The following ZNF385B variants were observed in gnomAD, a reference collection of about 807,000 sequenced individuals.
ZNF385B encodes the protein zinc finger protein 533.
A neutral mutation model predicts 39.2 loss-of-function variants in ZNF385B; 23 were observed. The ratio of observed to expected loss-of-function variants is 0.59; its 90% confidence interval spans 0.42 to 0.83. The LOEUF (loss-of-function observed/expected upper bound fraction) is 0.83. ZNF385B is among the 40% of genes least tolerant of loss of function. ZNF385B has a pLI of 0.00. For synonymous variants in ZNF385B, 205 were observed against 222.6 expected (o/e 0.92, Z 0.70); for missense variants, 552 against 598.9 (o/e 0.92, Z 0.82).
chr2:179,515,983 C>T (rs1303298586), intron 5 of ZNF385B, among the ~76,000 whole-genome samples: 2 of 152,152 alleles, frequency 1.3e-5, no homozygotes, highest in Admixed American at 1.3e-4. Flanking sequence ...CCCATAGTTT[C>T]ATCTTCTGCA....
At chr2:179,798,562 C>T (rs962137557) in intron 1 of ZNF385B, among the ~76,000 whole-genome samples, 12 of 152,238 alleles carry the variant, frequency 7.9e-5, no homozygotes, top group African/African-American at 2.4e-4. Flanking sequence ...TTCCAGTATG[C>T]AAGGACACAA....
chr2:179,592,883 C>T (rs189201384), intron 3 of ZNF385B, among the ~76,000 whole-genome samples: 16 of 152,164 alleles, frequency 1.1e-4, no homozygotes, highest in South Asian at 8.3e-4. Flanking sequence ...AAAGTCTCTA[C>T]GACCTTATAT....
In ZNF385B at chr2:179,723,761, T is replaced by A. The variant is rs187494823; in HGVS notation, c.298+45742A>T. ...ATAAGGGGCTAGATACATTGATGCC[T>A]AATTTTTCAAAGCTACGTAAGTTTT... On this transcript the variant is annotated intron_variant, in intron 3 of 9. Coordinates refer to ENST00000410066, the MANE Select transcript of ZNF385B (RefSeq NM_152520.6). Among the ~76,000 whole-genome samples the A allele has an allele frequency of 1.7e-3, 263 of 152,304 alleles. 1 individual carries two copies. The highest frequency in any genetic ancestry group is 6.8e-3 in the Middle Eastern group (2 of 294).
chr2:179,696,326 C>CTTTTATTTTTTTTTTTTTT (rs1698745081), intron 3 of ZNF385B, among the ~76,000 whole-genome samples: 2 of 40,354 alleles, frequency 5.0e-5, no homozygotes, highest in East Asian at 7.9e-4. Context: ...CAAACTGGGA[C>CTTTTATTTTTTTTTTTTTT]TTTTTTTTTT....
intron 7 of ZNF385B, 119 bp from the exon 8 acceptor site, chr2:179,445,847 A>G (rs2049419608): frequency 1.1e-6 from 1 of 950,184 alleles, no homozygotes; most frequent in Non-Finnish European, 1.5e-6. Flanking sequence ...TTTAAAAATG[A>G]TCACTTTAAT....
intron 1 of ZNF385B, among the ~76,000 whole-genome samples, chr2:179,831,090 C>G (rs1707958514): frequency 6.6e-6 from 1 of 151,970 alleles, no homozygotes; most frequent in Non-Finnish European, 1.5e-5. Flanking sequence ...ATTTGTAATA[C>G]TCATGAAATG....
chr2:179,573,899 C>T (rs1685516136), intron 3 of ZNF385B, among the ~76,000 whole-genome samples: 1 of 152,008 alleles, frequency 6.6e-6, no homozygotes, highest in Admixed American at 6.6e-5. Flanking sequence ...AAAACAAACT[C>T]ACCAAAATGC....
intron 3 of ZNF385B, among the ~76,000 whole-genome samples, chr2:179,553,085 T>A (rs1265555817): frequency 6.7e-6 from 1 of 148,968 alleles, no homozygotes; most frequent in Non-Finnish European, 1.5e-5. Context: ...TACCATGCTA[T>A]GGTCACCAAA....
intron 3 of ZNF385B, among the ~76,000 whole-genome samples, chr2:179,574,057 A>G (rs1685534003): frequency 6.6e-6 from 1 of 152,136 alleles, no homozygotes; most frequent in Non-Finnish European, 1.5e-5. Context: ...CCTTTACTAT[A>G]ATGCTGTTTA....
At chr2:179,811,920 T>G (rs769976922) in intron 1 of ZNF385B, among the ~76,000 whole-genome samples, 6 of 152,130 alleles carry the variant, frequency 3.9e-5, no homozygotes, top group Non-Finnish European at 8.8e-5. Flanking sequence ...ATGTCTAATA[T>G]CCAGTCTATA....
chr2:179,734,497 TGTTTTAA>T (rs1223827240), intron 3 of ZNF385B, among the ~76,000 whole-genome samples: 1 of 152,224 alleles, frequency 6.6e-6, no homozygotes, highest in Non-Finnish European at 1.5e-5. Flanking sequence ...TAAAATAGCA[TGTTTTAA>T]TTGAAGAATG....
chr2:179,848,183 T>G (rs1215061172), intron 1 of ZNF385B, among the ~76,000 whole-genome samples: 1 of 152,226 alleles, frequency 6.6e-6, no homozygotes, highest in African/African-American at 2.4e-5. Flanking sequence ...AAATTTATTA[T>G]GCTCCATTTC....
chr2:179,670,654 C>T (rs1038289405), intron 3 of ZNF385B, among the ~76,000 whole-genome samples: 4 of 152,180 alleles, frequency 2.6e-5, no homozygotes, highest in Non-Finnish European at 5.9e-5. Flanking sequence ...GCTGGTCCAA[C>T]ATACCACTGA....
At chr2:179,508,750 CT>C (rs1431944715) in intron 5 of ZNF385B, among the ~76,000 whole-genome samples, 1 of 152,092 alleles carries the variant, frequency 6.6e-6, no homozygotes, top group Non-Finnish European at 1.5e-5. Context: ...TTCATATTTT[CT>C]TTTTTTCATA....
At chr2:179,511,464 G>A (rs564609404) in intron 5 of ZNF385B, among the ~76,000 whole-genome samples, 98 of 152,244 alleles carry the variant, frequency 6.4e-4, no homozygotes, top group African/African-American at 2.2e-3. Flanking sequence ...GACCGAGGAG[G>A]GCATAACCTA....
At chr2:179,556,515 G>C (rs1376134687) in intron 3 of ZNF385B, among the ~76,000 whole-genome samples, 1 of 149,512 alleles carries the variant, frequency 6.7e-6, no homozygotes, top group East Asian at 1.9e-4. Flanking sequence ...TTATCAAAAG[G>C]GAATGTCATG....
At chr2:179,718,250 A>T (rs767050585) in intron 3 of ZNF385B, among the ~76,000 whole-genome samples, 1 of 151,522 alleles carries the variant, frequency 6.6e-6, no homozygotes, top group Non-Finnish European at 1.5e-5. Flanking sequence ...ATCCACACGC[A>T]TGTTGACACA....
At chr2:179,787,115 A>AT (rs982640715) in intron 1 of ZNF385B, among the ~76,000 whole-genome samples, 6 of 151,644 alleles carry the variant, frequency 4.0e-5, no homozygotes, top group East Asian at 1.9e-4. Context: ...ATTATGATGG[A>AT]TTTTTTTTGT....
chr2:179,848,456 G>C (rs747390149), intron 1 of ZNF385B, among the ~76,000 whole-genome samples: 87 of 152,182 alleles, frequency 5.7e-4, no homozygotes, highest in Non-Finnish European at 1.0e-3. Flanking sequence ...GCTACTACTC[G>C]GTATGTGCAG....
Sources: gnomAD v4.1 joint callset for allele counts (sites outside exome capture counted in the v4.1 genomes callset) on GRCh38, gnomAD v4.1.1 for gene constraint, MANE v1.5 for transcripts, NCBI Gene and HGNC (gene_info 2026-07-23, HGNC 2026-07-21) for gene names.